The following SVEP1 variants were observed in gnomAD, a reference collection of about 807,000 sequenced individuals.
SVEP1 encodes sushi, von Willebrand factor type A, EGF and pentraxin domain containing 1, also known as sushi, von Willebrand factor type A, EGF and pentraxin domain-containing protein 1.
A neutral mutation model predicts 367.3 loss-of-function variants in SVEP1; 164 were observed. The ratio of observed to expected loss-of-function variants is 0.45; its 90% CI spans 0.39 to 0.51. SVEP1 has a LOEUF of 0.51. Among genes scored for constraint, SVEP1 ranks in the 20% least tolerant of loss-of-function variants. The pLI, the probability that SVEP1 is intolerant of heterozygous loss-of-function variation, is 0.00. For missense variants in SVEP1, 4,117 were observed against 4,425.3 expected (o/e 0.93, Z 1.98); for synonymous variants, 1,666 against 1,611.6 (o/e 1.03, Z -0.81).
chr9:110,385,056 T>C (rs549550420), intron 43 of SVEP1, among the ~76,000 whole-genome samples: 150 of 116,456 alleles, frequency 1.3e-3, no homozygotes, highest in African/African-American at 4.9e-3. Flanking sequence ...TCTTGGCTCA[T>C]TGCAACCTCC....
intron 6 of SVEP1, 132 bp downstream of exon 6, chr9:110,502,906 G>T: frequency 1.2e-6 from 1 of 852,712 alleles, no homozygotes; most frequent in Non-Finnish European, 1.7e-6. Flanking sequence ...TGTAACACCT[G>T]CACCTGTACA....
chr9:110,554,017 A>G (rs1205254978), intron 1 of SVEP1, among the ~76,000 whole-genome samples: 2 of 152,170 alleles, frequency 1.3e-5, no homozygotes, highest in East Asian at 3.8e-4. Context: ...CATAGAGACT[A>G]CTTTTACTTT....
In SVEP1 at chr9:110,432,614, G is replaced by C. The variant is rs779225459; in HGVS notation, c.5081C>G (p.Pro1694Arg). 3 of 1,612,952 alleles carry C rather than the reference G, an allele frequency of 1.9e-6. No homozygotes were observed. The highest frequency in any genetic ancestry group is 2.5e-6 in the Non-Finnish European group (3 of 1,179,472). ...HCERISCGVP[P>R]PLENGFHSAD... ...TGAATGGAAGCCATTCTCCAAAGGA[G>C]GTGGCACCCCACAGCTAATGCCTGT... Residue 1694 changes from proline to arginine, a missense_variant, in exon 31 of 48, where the codon CCT becomes CGT. Pro to Arg is a moderately radical substitution (Grantham distance 103, BLOSUM62 -2). Coordinates refer to ENST00000374469, the MANE Select transcript of SVEP1 (RefSeq NM_153366.4).
At chr9:110,491,590 G>GGGGTGTGTGTGTGTGTGT (rs76905358) in intron 8 of SVEP1, among the ~76,000 whole-genome samples, 1 of 147,732 alleles carries the variant, frequency 6.8e-6, no homozygotes, top group African/African-American at 2.5e-5. Context: ...TATAGAATGG[G>GGGGTGTGTGTGTGTGTGT]GTGTGTGTGT....
intron 9 of SVEP1, among the ~76,000 whole-genome samples, chr9:110,488,398 C>A: frequency 6.6e-6 from 1 of 151,972 alleles, no homozygotes; most frequent in East Asian, 1.9e-4. Context: ...AAGACCAGGG[C>A]TGAAACCCTA....
At position 110,434,361 on chromosome 9, in the gene SVEP1, C is replaced by A; in HGVS notation, c.5034G>T (p.Trp1678Cys). The change falls in exon 30 of 48, where the codon TGG (tryptophan) becomes TGT (cysteine). Residue 1678 changes from tryptophan to cysteine, a missense_variant. Coordinates refer to ENST00000374469, the MANE Select transcript of SVEP1 (RefSeq NM_153366.4). Reference sequence around the variant, plus strand: ...GTTCACAGTGAGGAAGTGGTTGTGTCCACTGTCCTTGATTCAGACAGTACT... The same window carrying A: ...GTTCACAGTGAGGAAGTGGTTGTGTACACTGTCCTTGATTCAGACAGTACT... ...PVQYCLNQGQWTQPLPHCERI... is the reference protein window; with the variant it reads ...PVQYCLNQGQCTQPLPHCERI... 6.2e-7 allele frequency: 1 copy of A among 1,611,002 alleles called. No individual in the cohort carries two copies.
At chr9:110,503,535 T>C (rs1829573773) in intron 5 of SVEP1, among the ~76,000 whole-genome samples, 1 of 152,196 alleles carries the variant, frequency 6.6e-6, no homozygotes, top group Non-Finnish European at 1.5e-5. Flanking sequence ...GGGAGGTACC[T>C]GATGCTCTCA....
intron 1 of SVEP1, among the ~76,000 whole-genome samples, chr9:110,569,992 T>C (rs572421307): frequency 6.6e-6 from 1 of 152,354 alleles, no homozygotes; most frequent in East Asian, 1.9e-4. Flanking sequence ...ATGATTCACA[T>C]ATTGCATTTT....
intron 28 of SVEP1, 76 bp downstream of exon 28, chr9:110,436,304 C>A: frequency 6.4e-7 from 1 of 1,574,382 alleles, no homozygotes; most frequent in Non-Finnish European, 8.7e-7. Flanking sequence ...GTTATGTCAT[C>A]ATTAGGCTGT....
chr9:110,444,458 T>C (rs1232555826), intron 26 of SVEP1, among the ~76,000 whole-genome samples: 1 of 152,202 alleles, frequency 6.6e-6, no homozygotes, highest in Non-Finnish European at 1.5e-5. Flanking sequence ...AAGTCTATGC[T>C]ATTTATTATA....
At position 110,369,762 on chromosome 9, in the gene SVEP1, G is replaced by C. The variant is rs114461852; in HGVS notation, c.10694+161C>G. 208 of 611,248 alleles carry C rather than the reference G, an allele frequency of 3.4e-4. 1 individual carries two copies. The African/African-American group carries it at 3.5e-3, about 10-fold the overall frequency. 37.9% of individuals were successfully genotyped at this position (611,248 alleles called of 1,614,324 possible). Reference sequence around the variant, plus strand: ...CCTGAACTAATATTTCTTAGCTTTGGCTTTAATTCAAATTTAGAGAGCCTG... The same window carrying C: ...CCTGAACTAATATTTCTTAGCTTTGCCTTTAATTCAAATTTAGAGAGCCTG... On this transcript the variant is annotated intron_variant, in intron 47 of 47. Coordinates refer to ENST00000374469, the MANE Select transcript of SVEP1 (RefSeq NM_153366.4).
At chr9:110,570,666 A>T (rs1486652365) in intron 1 of SVEP1, among the ~76,000 whole-genome samples, 1 of 152,128 alleles carries the variant, frequency 6.6e-6, no homozygotes, top group East Asian at 1.9e-4. Flanking sequence ...GTTTTAGTAG[A>T]GACGGGGTTT....
intron 18 of SVEP1, among the ~76,000 whole-genome samples, chr9:110,462,934 C>G (rs986398800): frequency 2.6e-5 from 4 of 151,878 alleles, no homozygotes; most frequent in Non-Finnish European, 5.9e-5. Flanking sequence ...ATATTGTATA[C>G]TAGAAATTTG....
chr9:110,549,921 T>C lies in SVEP1; in HGVS notation c.715A>G (p.Lys239Glu), dbSNP rs1830261476. ...RELNDMASTPKEEHCYLLHSF... is the reference protein window; with the variant it reads ...RELNDMASTPEEEHCYLLHSF... ...TGTAGCAGGTAACAGTGCTCCTCCT[T>C]TGGGGTGGAAGCCATGTCATTCAGC... Residue 239 changes from lysine to glutamate, a missense_variant, in exon 2 of 48, where the codon AAG becomes GAG. By Grantham distance (56) the Lys-to-Glu change is moderately conservative (BLOSUM62 1). Transcript: ENST00000374469. 1.2e-6 allele frequency: 2 copies of C among 1,613,852 alleles called. No individual in the cohort carries two copies. Among genetic ancestry groups the C allele is most frequent in the African/African-American group, 1.3e-5 (1 of 74,918 alleles).
intron 8 of SVEP1, among the ~76,000 whole-genome samples, chr9:110,494,993 A>G (rs1829425013): frequency 6.6e-6 from 1 of 151,928 alleles, no homozygotes; most frequent in African/African-American, 2.4e-5. Flanking sequence ...TGGTCTGTTC[A>G]CTCTCCTTCT....
At chr9:110,397,504 C>A (rs1333712798) in intron 40 of SVEP1, among the ~76,000 whole-genome samples, 1 of 152,050 alleles carries the variant, frequency 6.6e-6, no homozygotes, top group African/African-American at 2.4e-5. Flanking sequence ...GGCAATCAGG[C>A]AGGAGAAGGA....
intron 6 of SVEP1, among the ~76,000 whole-genome samples, chr9:110,502,392 T>G (rs1423378303): frequency 6.6e-6 from 1 of 152,056 alleles, no homozygotes; most frequent in Non-Finnish European, 1.5e-5. Flanking sequence ...GTGAGCCACC[T>G]TGCCCGGCCA....
At chr9:110,412,963 C>T (rs1224538955) in intron 36 of SVEP1, among the ~76,000 whole-genome samples, 14 of 151,448 alleles carry the variant, frequency 9.2e-5, no homozygotes, top group African/African-American at 3.4e-4. Flanking sequence ...CTAGTTCAAC[C>T]ATTGTGGAAG....
chr9:110,365,956 T>G lies in SVEP1; in HGVS notation c.*583A>C, dbSNP rs752191228. On this transcript the variant is annotated 3_prime_UTR_variant, in exon 48 of 48. Transcript: ENST00000374469. ...CCCTAAGTACCAGGACATAATTATG[T>G]GGTGGAGAGTACCAGGTCCAACAGT... is the stretch of plus-strand genomic sequence containing the variant. 15 of 152,214 alleles carry G rather than the reference T, an allele frequency of 9.9e-5. No homozygotes were observed. The highest frequency in any genetic ancestry group is 1.8e-4 in the Non-Finnish European group (12 of 68,044). The allele number at this position is 152,214 out of a possible 1,614,324, so 9.4% of individuals were successfully genotyped here. A position where few individuals can be genotyped will look rare whatever the true frequency, so the allele number is the denominator to read the frequency against.
Sources: allele counts gnomAD v4.1 joint callset (sites outside exome capture counted in the v4.1 genomes callset), GRCh38; gene constraint gnomAD v4.1.1; transcripts MANE v1.5; gene names NCBI Gene and HGNC (gene_info 2026-07-23, HGNC 2026-07-21).